HMGXB4: variants seen among roughly 807,000 people sequenced by gnomAD.
HMGXB4 encodes HMG-box containing 4.
A neutral mutation model predicts 63.9 loss-of-function variants in HMGXB4; 27 were observed. That is an observed-to-expected ratio of 0.42 (90% CI 0.31 to 0.58). HMGXB4 has a LOEUF of 0.58. Among genes scored for constraint, HMGXB4 ranks in the 20% least tolerant of loss-of-function variants. HMGXB4 has a pLI of 0.13. For synonymous variants in HMGXB4, 264 were observed against 265.3 expected, an observed-to-expected ratio of 0.99 and a Z score of 0.05; for missense variants, 624 against 700.7, an observed-to-expected ratio of 0.89 and a Z score of 1.24.
intron 5 of HMGXB4, among the ~76,000 whole-genome samples, chr22:35,274,419 A>G (rs1453239653): frequency 6.6e-6 from 1 of 152,218 alleles, no homozygotes; most frequent in African/African-American, 2.4e-5. Flanking sequence ...CCTTCTAGGA[A>G]GGGGCAGGAG....
chr22:35,290,807 T>G (rs972495279), intron 9 of HMGXB4, among the ~76,000 whole-genome samples: 12 of 152,178 alleles, frequency 7.9e-5, no homozygotes, highest in African/African-American at 2.9e-4. Context: ...AATAAACTTG[T>G]CTGTGCTTTT....
upstream of HMGXB4, among the ~76,000 whole-genome samples, chr22:35,256,534 C>G (rs1454997578): frequency 6.6e-6 from 1 of 152,182 alleles, no homozygotes; most frequent in Non-Finnish European, 1.5e-5. Context: ...GAGTCTCACT[C>G]TGTCCCCCAG....
At chr22:35,259,963 CT>C (rs1267226686) in intron 1 of HMGXB4, among the ~76,000 whole-genome samples, 1 of 152,246 alleles carries the variant, frequency 6.6e-6, no homozygotes, top group Non-Finnish European at 1.5e-5. Context: ...CCTCTCACAA[CT>C]TTTTAATCCA....
the HMGXB4 span, among the ~76,000 whole-genome samples, chr22:35,248,443 G>A: frequency 6.9e-3 from 942 of 137,326 alleles, 7 homozygotes; most frequent in East Asian, 0.014. Flanking sequence ...GTCTCGCTCC[G>A]TCACCCAGGC....
At chr22:35,248,240 G>A in the HMGXB4 span, among the ~76,000 whole-genome samples, 2 of 152,116 alleles carry the variant, frequency 1.3e-5, no homozygotes, top group Non-Finnish European at 2.9e-5. Context: ...CTGAGGCTGG[G>A]TAATGTGTAA....
chr22:35,282,272 G>A (rs1311248369), intron 5 of HMGXB4, among the ~76,000 whole-genome samples: 4 of 152,182 alleles, frequency 2.6e-5, no homozygotes, highest in Non-Finnish European at 5.9e-5. Context: ...CACCTCCCGG[G>A]TTCACACCAT....
intron 9 of HMGXB4, 40 bp from the exon 10 acceptor site, chr22:35,292,952 C>T (rs1156469220): frequency 2.5e-6 from 4 of 1,613,674 alleles, no homozygotes; most frequent in Non-Finnish European, 3.4e-6. Flanking sequence ...AACACAGCAT[C>T]AGGAGTGTGA....
chr22:35,294,493 G>C lies in HMGXB4; in HGVS notation c.*842G>C, dbSNP rs1399690264. Reference sequence around the variant, plus strand: ...AGCCGTGCTGCTTAGTTGCTCGGTGGTTATGGATAAACTTTGCCCAGCATG... The same window carrying C: ...AGCCGTGCTGCTTAGTTGCTCGGTGCTTATGGATAAACTTTGCCCAGCATG... On this transcript the variant is annotated 3_prime_UTR_variant, in exon 11 of 11. Transcript: ENST00000216106. 1 of 152,608 alleles carries C rather than the reference G, an allele frequency of 6.6e-6. No individual in the cohort carries two copies. The highest frequency in any genetic ancestry group is 1.9e-4 in the East Asian group (1 of 5,194). The allele number at this position is 152,608 out of a possible 1,614,324, so 9.5% of individuals were successfully genotyped here.
At chr22:35,284,164 A>G in intron 6 of HMGXB4, 121 bp downstream of exon 6, 1 of 681,040 alleles carries the variant, frequency 1.5e-6, no homozygotes, top group Non-Finnish European at 2.5e-6. Context: ...AGTTCTGCAA[A>G]TCACTTTAGA....
chr22:35,266,841 T>G (rs112993983), intron 5 of HMGXB4, among the ~76,000 whole-genome samples: 1 of 151,972 alleles, frequency 6.6e-6, no homozygotes. Context: ...AAAATTTGCC[T>G]GGTGTGGGGG....
At chr22:35,248,912 T>C in the HMGXB4 span, among the ~76,000 whole-genome samples, 2 of 152,068 alleles carry the variant, frequency 1.3e-5, no homozygotes, top group African/African-American at 4.8e-5. Flanking sequence ...GCACTTTCCA[T>C]GAATGGAGCC....
At chr22:35,262,540 A>G in intron 2 of HMGXB4, 119 bp downstream of exon 2, 1 of 1,050,466 alleles carries the variant, frequency 9.5e-7, no homozygotes, top group Non-Finnish European at 1.5e-6. Flanking sequence ...GATGGTCCAG[A>G]GCACTGTTAT....
At chr22:35,271,046 G>T (rs1923572263) in intron 5 of HMGXB4, among the ~76,000 whole-genome samples, 1 of 151,906 alleles carries the variant, frequency 6.6e-6, no homozygotes. Flanking sequence ...GATCACTCAA[G>T]CCCAAGAGTT....
At chr22:35,256,813 T>C (rs1192109761), upstream of HMGXB4, among the ~76,000 whole-genome samples, 3 of 152,228 alleles carry the variant, frequency 2.0e-5, no homozygotes. Flanking sequence ...CTTCTTCATA[T>C]CAAACCAAGT....
intron 6 of HMGXB4, 70 bp downstream of exon 6, chr22:35,284,113 T>A: frequency 9.7e-7 from 1 of 1,031,566 alleles, no homozygotes. Context: ...ATTAATTTCT[T>A]CTTCCTGTAG....
Position 35,283,967 on chromosome 22 carries a change from A to G in HMGXB4, c.1221A>G (p.Lys407=). The G allele has an allele frequency of 6.2e-7, 1 of 1,613,924 alleles. No individual in the cohort carries two copies. Among genetic ancestry groups the G allele is most frequent in the Non-Finnish European group, 8.5e-7 (1 of 1,179,770 alleles). ...DKERERGEKP[K]KKNMSAYQVF... The stretch of plus-strand genomic sequence containing the variant: ...TATCTTCTATGCGGCATTAGCCAAA[A>G]AAGAAGAACATGTCGGCCTACCAGG... The change falls in exon 6 of 11, where the codon AAA becomes AAG. Residue 407 remains lysine, a synonymous_variant. Coordinates refer to ENST00000216106, the MANE Select transcript of HMGXB4 (RefSeq NM_001003681.3).
At chr22:35,264,184 C>A in intron 4 of HMGXB4, 2 of 761,008 alleles carry the variant, frequency 2.6e-6, no homozygotes, top group African/African-American at 1.7e-5. Flanking sequence ...GTCCTCTGGC[C>A]TGCACCTGTG....
chr22:35,281,924 G>A (rs1924265201), intron 5 of HMGXB4, among the ~76,000 whole-genome samples: 1 of 152,184 alleles, frequency 6.6e-6, no homozygotes, highest in Non-Finnish European at 1.5e-5. Context: ...TGGAATTAAA[G>A]TTGGAGTCAT....
At chr22:35,252,197 C>T in the HMGXB4 span, among the ~76,000 whole-genome samples, 107 of 152,190 alleles carry the variant, frequency 7.0e-4, no homozygotes, top group African/African-American at 2.5e-3. Flanking sequence ...CCTAGGCGGC[C>T]GAGAGAGACT....
Sources: gnomAD v4.1 joint callset for allele counts (sites outside exome capture counted in the v4.1 genomes callset) on GRCh38, gnomAD v4.1.1 for gene constraint, MANE v1.5 for transcripts, NCBI Gene and HGNC (gene_info 2026-07-23, HGNC 2026-07-21) for gene names.